The following CKAP5 variants were observed in gnomAD, a reference collection of about 807,000 sequenced individuals.
CKAP5 encodes cytoskeleton associated protein 5, also known as cytoskeleton-associated protein 5.
Under a neutral mutation model 232.8 loss-of-function variants are expected in CKAP5, and 27 were observed. The ratio of observed to expected loss-of-function variants is 0.12; its 90% CI spans 0.09 to 0.16. The LOEUF (loss-of-function observed/expected upper bound fraction) is 0.16. CKAP5 is among the 10% of genes least tolerant of loss of function. The pLI is 1.00. For synonymous variants in CKAP5, 785 were observed against 841.1 expected (o/e 0.93, Z 1.16); for missense variants, 1,838 against 2,424.7 (o/e 0.76, Z 5.08).
intron 20 of CKAP5, among the ~76,000 whole-genome samples, chr11:46,779,520 A>T (rs1158978441): frequency 2.0e-5 from 3 of 152,114 alleles, no homozygotes; most frequent in African/African-American, 7.2e-5. Context: ...CCAGAAAGAC[A>T]GAGTCTCAGT....
chr11:46,755,153 ATATT>A (rs1261148941), intron 35 of CKAP5, 86 bp from the exon 36 acceptor site: 2 of 883,288 alleles, frequency 2.3e-6, no homozygotes, highest in Non-Finnish European at 3.3e-6. Flanking sequence ...CTCCATAAGA[ATATT>A]TATTAGCAAA....
In CKAP5 at chr11:46,777,445, G is replaced by T; in HGVS notation, c.2856C>A (p.Asp952Glu). ...TGAAAAGAGTTAGGTTTACCTTGCT[G>T]TCTCCAAGGACTGTGATGATAGGGA... ...LGIPIITVLG[D>E]SKNNVRAAAL... is the part of the protein sequence containing the mutation. The change falls in exon 23 of 44, where the codon GAC becomes GAA. Residue 952 changes from aspartate to glutamate, a missense_variant. Transcript: ENST00000529230. The T allele has an allele frequency of 6.2e-7, 1 of 1,602,040 alleles. No individual in the cohort carries two copies. The highest frequency in any genetic ancestry group is 8.6e-7 in the Non-Finnish European group (1 of 1,169,136).
At chr11:46,811,999 G>C (rs1338447985) in intron 4 of CKAP5, among the ~76,000 whole-genome samples, 1 of 152,006 alleles carries the variant, frequency 6.6e-6, no homozygotes, top group Non-Finnish European at 1.5e-5. Flanking sequence ...CTTTACTTCA[G>C]TTTTCTATGG....
At position 46,778,123 on chromosome 11, in the gene CKAP5, C is replaced by T. The variant is rs182930302; in HGVS notation, c.2748+16G>A. 169 of 1,607,184 alleles carry T rather than the reference C, an allele frequency of 1.1e-4. No individual in the cohort carries two copies. Among genetic ancestry groups the T allele is most frequent in the East Asian group, 6.7e-5 (3 of 44,842 alleles). ...GGGGAGGGGAGATAAAAAGAACAGC[C>T]GTATGCTCTACATACCAAGATTTTA... On this transcript the variant is annotated intron_variant, in intron 22 of 43. Coordinates refer to ENST00000529230, the MANE Select transcript of CKAP5 (RefSeq NM_001008938.4).
chr11:46,844,176 C>A (rs566651849), intron 1 of CKAP5, among the ~76,000 whole-genome samples: 1 of 150,044 alleles, frequency 6.7e-6, no homozygotes, highest in Non-Finnish European at 1.5e-5. Flanking sequence ...CAGCTGAGAT[C>A]GCACCACTGC....
chr11:46,783,381 A>C lies in CKAP5; in HGVS notation c.2155-13T>G, dbSNP rs190543742. 5.3e-6 allele frequency: 8 copies of C among 1,507,588 alleles called. No homozygotes were observed. The Admixed American group carries it at 1.4e-4, about 25-fold the overall frequency. 93.4% of individuals were successfully genotyped at this position (1,507,588 alleles called of 1,614,324 possible). On this transcript the variant is annotated splice_polypyrimidine_tract_variant and intron_variant, in intron 17 of 43. Transcript: ENST00000529230. ...CCATTGACACAACCTGAAAAGGGAA[A>C]AACAGCAGATCTGTGTTTTATCTCG...
rs1410463531 is a variant in CKAP5, at chr11:46,759,360, T to C, written c.4477A>G (p.Asn1493Asp). 1 of 1,614,004 alleles carries C rather than the reference T, an allele frequency of 6.2e-7. No individual in the cohort carries two copies. The highest frequency in any genetic ancestry group is 1.1e-5 in the South Asian group (1 of 91,054). Residue 1493 changes from asparagine (N) to aspartate (D), a missense_variant, in exon 34 of 44, where the codon AAT becomes GAT. Around this residue, in one of 6 missense-constraint regions of CKAP5, gnomAD observed 579 missense variants for 843.2 expected, o/e 0.69. Coordinates refer to ENST00000529230, the MANE Select transcript of CKAP5 (RefSeq NM_001008938.4). The part of the protein sequence containing the change: ...EFQLDLDEIE[N>D]DNGTVRCEMP... ...TCACATCGGACTGTACCATTGTCATTCTCAATCTCATCTAGATCCAGCTGG... is the reference window on the plus strand; with the variant it reads ...TCACATCGGACTGTACCATTGTCATCCTCAATCTCATCTAGATCCAGCTGG...
intron 1 of CKAP5, among the ~76,000 whole-genome samples, chr11:46,841,217 C>G (rs1006218803): frequency 1.1e-4 from 16 of 151,728 alleles, no homozygotes; most frequent in Admixed American, 3.3e-4. Flanking sequence ...TTGCAGTCAG[C>G]CAAGACTGCG....
At chr11:46,762,911 A>G in intron 30 of CKAP5, 65 bp downstream of exon 30, 6 of 1,495,726 alleles carry the variant, frequency 4.0e-6, no homozygotes, top group Non-Finnish European at 5.5e-6. Flanking sequence ...AGAGGAAATA[A>G]AAGTACAGAA....
intron 43 of CKAP5, 54 bp downstream of exon 43, chr11:46,744,372 C>A: frequency 1.2e-6 from 2 of 1,613,298 alleles, no homozygotes; most frequent in Non-Finnish European, 1.7e-6. Context: ...CAGCCTGCCT[C>A]GGACCTGCTT....
At chr11:46,767,124 C>T (rs1425368406) in intron 27 of CKAP5, among the ~76,000 whole-genome samples, 1 of 151,702 alleles carries the variant, frequency 6.6e-6, no homozygotes, top group Admixed American at 6.6e-5. Flanking sequence ...TGGGTTCAAG[C>T]GATTCTCCTG....
At chr11:46,834,364 CA>C (rs1939866891) in intron 1 of CKAP5, among the ~76,000 whole-genome samples, 1 of 151,594 alleles carries the variant, frequency 6.6e-6, no homozygotes, top group Admixed American at 6.6e-5. Context: ...ACTAAAAATA[CA>C]AAAATTAGCC....
chr11:46,769,424 G>A (rs1166763813), intron 26 of CKAP5, among the ~76,000 whole-genome samples: 5 of 152,138 alleles, frequency 3.3e-5, no homozygotes, highest in Non-Finnish European at 5.9e-5. Flanking sequence ...GATCGGGTGT[G>A]GTGGTTCAAG....
In CKAP5 at chr11:46,780,264, G is replaced by A; in HGVS notation, c.2363C>T (p.Pro788Leu). The change falls in exon 20 of 44, where the codon CCC becomes CTC. Residue 788 changes from proline to leucine, a missense_variant. By Grantham distance (98) the Pro-to-Leu change is moderately conservative. Coordinates refer to ENST00000529230, the MANE Select transcript of CKAP5 (RefSeq NM_001008938.4). ...ATCCTCAAAGAACATTCGCAAAGAG[G>A]GACCAACATACAGATACATCACGCC... Reference protein sequence around the residue: ...LLGVMYLYVGPSLRMFFEDEK... With the variant: ...LLGVMYLYVGLSLRMFFEDEK... 1 of 1,613,946 alleles carries A rather than the reference G, an allele frequency of 6.2e-7. No homozygotes were observed. The highest frequency in any genetic ancestry group is 1.1e-5 in the South Asian group (1 of 91,076).
chr11:46,759,468 G>A (rs756923812), intron 33 of CKAP5, 26 bp from the exon 34 acceptor site: 2 of 1,597,838 alleles, frequency 1.3e-6, no homozygotes, highest in East Asian at 4.5e-5. Context: ...GGAGGCTCCT[G>A]AACTAAAAGA....
At chr11:46,762,288 A>T in intron 31 of CKAP5, 95 bp from the exon 32 acceptor site, 2 of 1,288,750 alleles carry the variant, frequency 1.6e-6, no homozygotes, top group South Asian at 1.3e-5. Context: ...TATATGAAGG[A>T]CTAAAACCTT....
At chr11:46,751,957 A>ATGTG in intron 38 of CKAP5, among the ~76,000 whole-genome samples, 1 of 151,950 alleles carries the variant, frequency 6.6e-6, no homozygotes, top group African/African-American at 2.4e-5. Context: ...TCTCTTTCAC[A>ATGTG]AAAGAGACCA....
At chr11:46,753,114 TA>T in intron 37 of CKAP5, 195 bp downstream of exon 37, 1 of 484,742 alleles carries the variant, frequency 2.1e-6, no homozygotes, top group Non-Finnish European at 3.6e-6. Flanking sequence ...AGAAGAGTAA[TA>T]AATCAACTTC....
intron 1 of CKAP5, among the ~76,000 whole-genome samples, chr11:46,823,133 GC>G (rs1431510243): frequency 6.6e-6 from 1 of 151,958 alleles, no homozygotes; most frequent in Non-Finnish European, 1.5e-5. Context: ...ACCATGCTCG[GC>G]TAATTTTGAA....
Sources: allele counts gnomAD v4.1 joint callset (sites outside exome capture counted in the v4.1 genomes callset), GRCh38; gene constraint gnomAD v4.1.1; regional missense constraint gnomAD v4.1.1; transcripts MANE v1.5; gene names NCBI Gene and HGNC (gene_info 2026-07-23, HGNC 2026-07-21).